The following RAB6A variants were observed in gnomAD, a reference collection of about 807,000 sequenced individuals.
The protein encoded by RAB6A is ras-related protein Rab-6A.
RAB6A carries 8 observed loss-of-function variants against 32.3 expected under a neutral mutation model. The ratio of observed to expected loss-of-function variants is 0.25; its 90% CI spans 0.15 to 0.45. The LOEUF (loss-of-function observed/expected upper bound fraction) is 0.45, where lower values mean the gene tolerates loss of function less well. Among genes scored for constraint, RAB6A ranks in the 20% least tolerant of loss-of-function variants. The pLI is 1.00. For synonymous variants in RAB6A, 73 were observed against 82.1 expected, an observed-to-expected ratio of 0.89 and a Z score of 0.60; for missense variants, 104 against 249.4, an observed-to-expected ratio of 0.42 and a Z score of 3.93.
intron 6 of RAB6A, among the ~76,000 whole-genome samples, chr11:73,692,261 T>C (rs1232808554): frequency 1.3e-5 from 2 of 151,584 alleles, no homozygotes; most frequent in Non-Finnish European, 2.9e-5. Context: ...TCCCAGCACT[T>C]TGGGAGGCCG....
At chr11:73,689,125 A>G (rs899732574) in intron 6 of RAB6A, among the ~76,000 whole-genome samples, 5 of 81,082 alleles carry the variant, frequency 6.2e-5, no homozygotes, top group African/African-American at 3.5e-4. Flanking sequence ...CTGTCTCAAG[A>G]AAAAAAAAAA....
chr11:73,739,280 A>ATACATATATATAT (rs1389085059), intron 1 of RAB6A, among the ~76,000 whole-genome samples: 5 of 18,430 alleles, frequency 2.7e-4, no homozygotes, highest in African/African-American at 6.0e-4. Flanking sequence ...AAAAAAAAAA[A>ATACATATATATAT]AAAAATATAT....
chr11:73,743,974 A>T (rs1169496225), intron 1 of RAB6A, among the ~76,000 whole-genome samples: 1 of 152,144 alleles, frequency 6.6e-6, no homozygotes, highest in African/African-American at 2.4e-5. Flanking sequence ...GCATTTTGAG[A>T]GGCTGAGGCA....
intron 6 of RAB6A, among the ~76,000 whole-genome samples, chr11:73,680,159 T>C (rs1348513869): frequency 6.6e-6 from 1 of 152,136 alleles, no homozygotes; most frequent in Non-Finnish European, 1.5e-5. Context: ...ACGAGTATTA[T>C]ATAAAAAGCA....
intron 6 of RAB6A, among the ~76,000 whole-genome samples, chr11:73,703,489 C>A (rs1945779986): frequency 6.6e-6 from 1 of 152,184 alleles, no homozygotes; most frequent in Admixed American, 6.5e-5. Context: ...CGCCTGTAAT[C>A]TCAGCACTTT....
At chr11:73,753,792 C>T (rs772468152) in intron 1 of RAB6A, among the ~76,000 whole-genome samples, 1 of 151,952 alleles carries the variant, frequency 6.6e-6, no homozygotes, top group African/African-American at 2.4e-5. Flanking sequence ...GGATTACAGG[C>T]GTGAGCCACC....
intron 1 of RAB6A, among the ~76,000 whole-genome samples, chr11:73,750,861 G>C (rs2135012411): frequency 6.6e-6 from 1 of 152,096 alleles, no homozygotes; most frequent in East Asian, 1.9e-4. Context: ...CTGTCTCCCA[G>C]GCTAGAGTGA....
At chr11:73,745,111 T>C (rs542221496) in intron 1 of RAB6A, among the ~76,000 whole-genome samples, 2 of 152,170 alleles carry the variant, frequency 1.3e-5, no homozygotes, top group Admixed American at 6.5e-5. Context: ...TCTTTTCTTA[T>C]GGGAAAAAAT....
At chr11:73,678,686 T>TG (rs1179501714) in intron 7 of RAB6A, among the ~76,000 whole-genome samples, 1 of 151,432 alleles carries the variant, frequency 6.6e-6, no homozygotes, top group Non-Finnish European at 1.5e-5. Flanking sequence ...TTGTTGTTGT[T>TG]TTGTTTTTGA....
intron 1 of RAB6A, among the ~76,000 whole-genome samples, chr11:73,755,470 T>G (rs535284719): frequency 7.3e-4 from 111 of 152,114 alleles, no homozygotes; most frequent in Non-Finnish European, 1.2e-3. Context: ...ATTTTGTATT[T>G]TTAGTAGAAA....
At chr11:73,733,550 CAAA>C (rs773779816) in intron 1 of RAB6A, among the ~76,000 whole-genome samples, 2 of 118,444 alleles carry the variant, frequency 1.7e-5, no homozygotes, top group Admixed American at 8.9e-5. Flanking sequence ...GACACCATCT[CAAA>C]AAAAAAAAAA....
intron 2 of RAB6A, among the ~76,000 whole-genome samples, chr11:73,729,189 C>A (rs999406071): frequency 7.9e-5 from 12 of 152,180 alleles, no homozygotes; most frequent in Non-Finnish European, 1.3e-4. Context: ...ACCTCCGCCT[C>A]CTGGGTTCAA....
intron 3 of RAB6A, 156 bp from the exon 4 acceptor site, chr11:73,718,874 C>T (rs1469045908): frequency 1.9e-6 from 3 of 1,605,622 alleles, no homozygotes; most frequent in Non-Finnish European, 2.6e-6. Flanking sequence ...CGCAGTATCC[C>T]ACAGCTGAAG....
chr11:73,755,101 TTGTA>T (rs1294504600), intron 1 of RAB6A, among the ~76,000 whole-genome samples: 1 of 151,434 alleles, frequency 6.6e-6, no homozygotes, highest in African/African-American at 2.4e-5. Flanking sequence ...GCTAATTTCT[TTGTA>T]TTTTTAGTAG....
At chr11:73,746,046 G>A (rs138524742) in intron 1 of RAB6A, among the ~76,000 whole-genome samples, 81 of 151,702 alleles carry the variant, frequency 5.3e-4, no homozygotes, top group African/African-American at 1.7e-3. Flanking sequence ...ATGAAGATCA[G>A]TCAAGTGCAG....
intron 6 of RAB6A, among the ~76,000 whole-genome samples, chr11:73,705,269 T>A (rs1945819902): frequency 6.6e-6 from 1 of 152,134 alleles, no homozygotes; most frequent in South Asian, 2.1e-4. Context: ...GAAAGCCAGC[T>A]GGGTGTGGTG....
intron 3 of RAB6A, 79 bp downstream of exon 3, chr11:73,720,767 T>G: frequency 9.0e-7 from 1 of 1,113,272 alleles, no homozygotes; most frequent in Non-Finnish European, 1.3e-6. Context: ...CTTCTTATGG[T>G]GACAATCATT....
intron 1 of RAB6A, among the ~76,000 whole-genome samples, chr11:73,744,803 C>CATCTCTACT (rs1946559286): frequency 6.6e-6 from 1 of 151,560 alleles, no homozygotes; most frequent in Non-Finnish European, 1.5e-5. Flanking sequence ...GGTGAAACCC[C>CATCTCTACT]ATCTCTACTA....
At chr11:73,728,510 T>G (rs1045873696) in intron 2 of RAB6A, among the ~76,000 whole-genome samples, 3 of 151,510 alleles carry the variant, frequency 2.0e-5, no homozygotes, top group African/African-American at 7.3e-5. Flanking sequence ...TGGTGGCTCA[T>G]GCCTGTAATC....
Sources: allele counts gnomAD v4.1 joint callset (sites outside exome capture counted in the v4.1 genomes callset), GRCh38; gene constraint gnomAD v4.1.1; transcripts MANE v1.5; gene names NCBI Gene and HGNC (gene_info 2026-07-23, HGNC 2026-07-21).